The following ABCA1 variants were observed in gnomAD, a reference collection of about 807,000 sequenced individuals.
ABCA1 encodes phospholipid-transporting ATPase ABCA1.
In ABCA1, 133 loss-of-function variants were observed where a neutral mutation model predicts 262.5. The ratio of observed to expected loss-of-function variants is 0.51; its 90% CI spans 0.44 to 0.59. ABCA1 has a LOEUF of 0.59. Ranked by LOEUF, ABCA1 falls within the 20% of genes least tolerant of loss-of-function variation. The pLI is 0.00. For synonymous variants in ABCA1, 1,022 were observed against 1,043.5 expected (o/e 0.98, Z 0.40); for missense variants, 2,452 against 2,777.5 (o/e 0.88, Z 2.63).
Position 104,928,134 on chromosome 9 carries a change from A to T in ABCA1, c.-292T>A, listed in dbSNP as rs1225025725. On this transcript the variant is annotated 5_prime_UTR_variant, in exon 1 of 50. Transcript: ENST00000374736. ...GCTCGGCTCTGCGGGTCCCGGCCCCACTCACTCTCGCTCGCAATTACGGGG... is the reference window on the plus strand; with the variant it reads ...GCTCGGCTCTGCGGGTCCCGGCCCCTCTCACTCTCGCTCGCAATTACGGGG... 1 of 151,904 alleles carries T rather than the reference A, an allele frequency of 6.6e-6. No individual in the cohort carries two copies. Among genetic ancestry groups the T allele is most frequent in the Admixed American group, 6.6e-5 (1 of 15,264 alleles). 9.4% of individuals were successfully genotyped at this position (151,904 alleles called of 1,614,324 possible).
chr9:104,881,529 T>A (rs11790326), intron 5 of ABCA1, among the ~76,000 whole-genome samples: 2 of 152,076 alleles, frequency 1.3e-5, no homozygotes, highest in Admixed American at 6.5e-5. Flanking sequence ...AAATACTGTT[T>A]TTAAGCAATT....
chr9:104,862,636 G>GCCCCCC (rs1836532053), intron 5 of ABCA1, among the ~76,000 whole-genome samples: 6 of 1,306 alleles, frequency 4.6e-3, no homozygotes, highest in South Asian at 0.038. Context: ...CAGACTGCCG[G>GCCCCCC]GCCGGGCCGG....
chr9:104,893,290 C>T (rs1399893503), intron 2 of ABCA1, among the ~76,000 whole-genome samples: 2 of 151,246 alleles, frequency 1.3e-5, no homozygotes, highest in African/African-American at 2.4e-5. Context: ...GGCATGGTGG[C>T]GGGAGCCTGT....
At chr9:104,806,072 T>C (rs1431179096) in intron 31 of ABCA1, among the ~76,000 whole-genome samples, 169 bp downstream of exon 31, 1 of 151,544 alleles carries the variant, frequency 6.6e-6, no homozygotes, top group Non-Finnish European at 1.5e-5. Flanking sequence ...GCCACAGCAC[T>C]CCAGCCTGGG....
chr9:104,871,444 A>C (rs1929841), intron 5 of ABCA1, among the ~76,000 whole-genome samples: 30,606 of 152,070 alleles, frequency 0.2, 3,242 homozygotes, highest in South Asian at 0.35. Flanking sequence ...AATGGTAACA[A>C]TTCCCCCAAA....
chr9:104,794,879 C>G lies in ABCA1; in HGVS notation c.5383-369G>C, dbSNP rs996268937. Among the ~76,000 whole-genome samples, 9 of 152,268 alleles carry G rather than the reference C, an allele frequency of 5.9e-5. No individual in the cohort carries two copies. The East Asian group carries it at 1.7e-3, about 29-fold the overall frequency. On this transcript the variant is annotated intron_variant, in intron 39 of 49. Transcript: ENST00000374736. ...CAATATTTGAGTTTCAGGATTTTGT[C>G]AGAATTTTAGAAATTCTTCTCAAAT...
chr9:104,852,024 T>G (rs1448328291), intron 7 of ABCA1, among the ~76,000 whole-genome samples: 1 of 152,236 alleles, frequency 6.6e-6, no homozygotes, highest in African/African-American at 2.4e-5. Context: ...TGGGTATACA[T>G]ATATTGGAAT....
chr9:104,812,795 T>C, intron 27 of ABCA1, 73 bp from the exon 28 acceptor site: 2 of 1,586,078 alleles, frequency 1.3e-6, no homozygotes, highest in East Asian at 2.2e-5. Context: ...CTTCTTCTGG[T>C]GTCTTCAACA....
intron 44 of ABCA1, among the ~76,000 whole-genome samples, chr9:104,789,099 G>A (rs1384564624): frequency 6.6e-6 from 1 of 152,174 alleles, no homozygotes; most frequent in African/African-American, 2.4e-5. Flanking sequence ...CCAGACTGAT[G>A]ACTGCACCTC....
intron 5 of ABCA1, among the ~76,000 whole-genome samples, chr9:104,862,073 C>A (rs1156680516): frequency 1.4e-5 from 2 of 140,142 alleles, no homozygotes; most frequent in South Asian, 2.5e-4. Flanking sequence ...CACACACACA[C>A]ACATACACAC....
Position 104,814,476 on chromosome 9 carries a change from C to T in ABCA1, c.3739-1G>A. ...TCTCTTCGGCCACCTTGAGGAATATCTGGAAAATGAGAGAGATGAGAACAT... is the reference window on the plus strand; with the variant it reads ...TCTCTTCGGCCACCTTGAGGAATATTTGGAAAATGAGAGAGATGAGAACAT... On this transcript the variant is annotated splice_acceptor_variant, in intron 25 of 49. Transcript: ENST00000374736. LOFTEE classifies it high-confidence loss of function. 1 of 1,614,128 alleles carries T rather than the reference C, an allele frequency of 6.2e-7. No homozygotes were observed.
chr9:104,803,260 C>T (rs761966958), intron 33 of ABCA1, 24 bp downstream of exon 33: 50 of 1,613,590 alleles, frequency 3.1e-5, no homozygotes, highest in East Asian at 1.1e-4. Flanking sequence ...CTGAGCTAAA[C>T]GTGCCAGAAA....
intron 19 of ABCA1, 122 bp from the exon 20 acceptor site, chr9:104,821,628 T>G: frequency 8.5e-7 from 1 of 1,177,712 alleles, no homozygotes; most frequent in Non-Finnish European, 1.2e-6. Context: ...TCCTTTCTAA[T>G]GAACCCTACC....
rs1831878676 is a variant in ABCA1 at position 104,817,508 on chromosome 9, C to T, written c.3463-104G>A. On this transcript the variant is annotated intron_variant, in intron 23 of 49. Transcript: ENST00000374736. The surrounding 1 kb of genome is among the most constrained non-coding windows in gnomAD (Gnocchi z 4.7). The stretch of plus-strand genomic sequence containing the variant: ...TCCAAGAAGCTCTGTTGTGTGAGAA[C>T]TAAAGGAAAAAGCTTTCCCTGGGAC... 4 of 1,286,760 alleles carry T rather than the reference C, an allele frequency of 3.1e-6. No homozygotes were observed. The highest frequency in any genetic ancestry group is 4.4e-6 in the Non-Finnish European group (4 of 899,518). The allele number at this position is 1,286,760 out of a possible 1,614,324, so 79.7% of individuals were successfully genotyped here.
chr9:104,823,064 G>GAAAAAAAAAAAAAAAA (rs34239819), intron 18 of ABCA1, among the ~76,000 whole-genome samples: 1 of 138,500 alleles, frequency 7.2e-6, no homozygotes, highest in Non-Finnish European at 1.6e-5. Context: ...ACTGCTGAGT[G>GAAAAAAAAAAAAAAAA]AAAAAAAAAA....
chr9:104,800,107 C>G (rs1445116787), intron 35 of ABCA1, 119 bp from the exon 36 acceptor site: 1 of 1,079,012 alleles, frequency 9.3e-7, no homozygotes, highest in Non-Finnish European at 1.4e-6. Context: ...CATACCAAGG[C>G]AAAACACTAT....
chr9:104,854,291 GC>G, intron 7 of ABCA1, among the ~76,000 whole-genome samples: 2 of 152,064 alleles, frequency 1.3e-5, no homozygotes, highest in East Asian at 1.9e-4. Flanking sequence ...CATCTTCAGA[GC>G]CCCCCCAAAA....
intron 1 of ABCA1, among the ~76,000 whole-genome samples, chr9:104,910,596 G>A (rs769136118): frequency 6.6e-6 from 1 of 152,226 alleles, no homozygotes; most frequent in Non-Finnish European, 1.5e-5. Context: ...GTATGTGTGT[G>A]TGTGTATGTG....
chr9:104,801,971 G>A, intron 34 of ABCA1, 83 bp downstream of exon 34: 1 of 1,232,318 alleles, frequency 8.1e-7, no homozygotes, highest in Non-Finnish European at 1.2e-6. Context: ...GCTGCCAGGT[G>A]ATCCGTTTAA....
Sources: allele counts gnomAD v4.1 joint callset (sites outside exome capture counted in the v4.1 genomes callset), GRCh38; gene constraint gnomAD v4.1.1; non-coding constraint Gnocchi (gnomAD v3.1); transcripts MANE v1.5; gene names NCBI Gene and HGNC (gene_info 2026-07-23, HGNC 2026-07-21).